PTK2B: variants seen among roughly 807,000 people sequenced by gnomAD.
The protein encoded by PTK2B is protein-tyrosine kinase 2-beta.
In PTK2B, 71 loss-of-function variants were observed where a neutral mutation model predicts 142.9. The ratio of observed to expected loss-of-function variants is 0.50; its 90% CI spans 0.41 to 0.61. The LOEUF (loss-of-function observed/expected upper bound fraction) is 0.61, where lower values mean the gene tolerates loss of function less well. Ranked by LOEUF, PTK2B falls within the 20% of genes least tolerant of loss-of-function variation. The pLI is 0.00. For missense variants in PTK2B, 1,105 were observed against 1,320.4 expected, an observed-to-expected ratio of 0.84 and a Z score of 2.53; for synonymous variants, 519 against 503.4, an observed-to-expected ratio of 1.03 and a Z score of -0.42.
Position 27,437,515 on chromosome 8 carries a change from C to G in PTK2B, c.1527+19C>G. The G allele has an allele frequency of 1.9e-6, 3 of 1,565,874 alleles. No homozygotes were observed. The highest frequency in any genetic ancestry group is 1.7e-6 in the Non-Finnish European group (2 of 1,147,168). On this transcript the variant is annotated intron_variant, in intron 17 of 30. Transcript: ENST00000346049. ...TGGGGAGGTGAGCTGGAGGACCCTG[C>G]GATGACAACTGGGCTGCAGCATGGG... is the stretch of plus-strand genomic sequence containing the variant.
intron 20 of PTK2B, 73 bp downstream of exon 20, chr8:27,439,471 G>A: frequency 6.8e-7 from 1 of 1,467,608 alleles, no homozygotes. Flanking sequence ...GGGGGTGGGT[G>A]CAGGGAGCAG....
chr8:27,393,124 C>G (rs1310983068), intron 1 of PTK2B, among the ~76,000 whole-genome samples: 1 of 152,180 alleles, frequency 6.6e-6, no homozygotes, highest in Non-Finnish European at 1.5e-5. Context: ...TGCTACTTAG[C>G]AGGCATGAAT....
At chr8:27,319,746 T>A (rs1803170768) in intron 3 of PTK2B, among the ~76,000 whole-genome samples, 1 of 152,202 alleles carries the variant, frequency 6.6e-6, no homozygotes, top group Non-Finnish European at 1.5e-5. Context: ...CTTCTAGTTT[T>A]TCTAACATCC....
intron 1 of PTK2B, among the ~76,000 whole-genome samples, chr8:27,352,177 T>C (rs1415231991): frequency 1.3e-5 from 2 of 152,222 alleles, no homozygotes; most frequent in East Asian, 3.8e-4. Context: ...CTTCTAGCTT[T>C]CAAAGTTCTC....
At chr8:27,408,067 G>A (rs1050483947) in intron 2 of PTK2B, among the ~76,000 whole-genome samples, 3 of 152,046 alleles carry the variant, frequency 2.0e-5, no homozygotes, top group African/African-American at 7.3e-5. Context: ...CCAAATGAAG[G>A]CCTCAGCAGC....
At chr8:27,451,917 G>C in intron 27 of PTK2B, 1 of 362,842 alleles carries the variant, frequency 2.8e-6, no homozygotes, top group Non-Finnish European at 4.0e-6. Context: ...GAGAAAGTGA[G>C]AGGGGCAGCT....
At chr8:27,419,236 C>A (rs1809593543) in intron 2 of PTK2B, among the ~76,000 whole-genome samples, 1 of 152,222 alleles carries the variant, frequency 6.6e-6, no homozygotes, top group Non-Finnish European at 1.5e-5. Flanking sequence ...CTTGCCAGCA[C>A]TCATTTCTTG....
intron 1 of PTK2B, among the ~76,000 whole-genome samples, chr8:27,364,296 C>T (rs1805890433): frequency 6.6e-6 from 1 of 152,222 alleles, no homozygotes; most frequent in South Asian, 2.1e-4. Flanking sequence ...CAGTTCGTTT[C>T]CATACTCCTG....
intron 30 of PTK2B, among the ~76,000 whole-genome samples, chr8:27,457,065 A>G (rs1812181738): frequency 6.6e-6 from 1 of 152,234 alleles, no homozygotes; most frequent in Non-Finnish European, 1.5e-5. Flanking sequence ...AGACCCAGCT[A>G]AGATCATTGA....
chr8:27,351,978 A>G (rs1415744173), intron 1 of PTK2B, among the ~76,000 whole-genome samples: 3 of 152,134 alleles, frequency 2.0e-5, no homozygotes, highest in Admixed American at 2.0e-4. Context: ...TTTTGTTCCC[A>G]TGGTCTCTTC....
chr8:27,416,823 A>G (rs1213444522), intron 2 of PTK2B, among the ~76,000 whole-genome samples: 3 of 152,252 alleles, frequency 2.0e-5, no homozygotes, highest in Non-Finnish European at 4.4e-5. Context: ...TTACAGAGGA[A>G]GGTATATGAA....
intron 1 of PTK2B, among the ~76,000 whole-genome samples, chr8:27,334,675 A>G (rs1803949777): frequency 6.6e-6 from 1 of 152,036 alleles, no homozygotes; most frequent in Non-Finnish European, 1.5e-5. Flanking sequence ...GTGAAAAGGG[A>G]TCCCTCCCTC....
intron 2 of PTK2B, among the ~76,000 whole-genome samples, chr8:27,412,009 G>A (rs187158209): frequency 1.3e-5 from 2 of 152,330 alleles, no homozygotes; most frequent in Admixed American, 1.3e-4. Context: ...AAGAAACATA[G>A]AGGACAGGTC....
At chr8:27,398,161 G>A (rs1808178313) in intron 2 of PTK2B, among the ~76,000 whole-genome samples, 1 of 152,264 alleles carries the variant, frequency 6.6e-6, no homozygotes, top group Non-Finnish European at 1.5e-5. Context: ...AGATACACAA[G>A]TGATTGCATT....
chr8:27,329,718 A>AGTG (rs763505789), intron 1 of PTK2B, among the ~76,000 whole-genome samples: 1 of 152,060 alleles, frequency 6.6e-6, no homozygotes, highest in Non-Finnish European at 1.5e-5. Context: ...GAGCAGGGAT[A>AGTG]GTGGTGACTC....
intron 23 of PTK2B, 68 bp from the exon 24 acceptor site, chr8:27,445,726 T>C (rs1586346890): frequency 5.0e-6 from 8 of 1,598,254 alleles, no homozygotes; most frequent in Non-Finnish European, 6.0e-6. Context: ...TGCTCGTGTT[T>C]GTAGCAGCTA....
At chr8:27,362,485 TTC>T (rs1305524002) in intron 1 of PTK2B, among the ~76,000 whole-genome samples, 3 of 152,122 alleles carry the variant, frequency 2.0e-5, no homozygotes, top group African/African-American at 4.8e-5. Flanking sequence ...AGGGGAGGTG[TTC>T]TGTTTTTGCT....
intron 3 of PTK2B, among the ~76,000 whole-genome samples, chr8:27,314,784 A>T (rs367640606): frequency 6.6e-6 from 1 of 152,142 alleles, no homozygotes; most frequent in Admixed American, 6.5e-5. Context: ...TTCTTTGTTC[A>T]AGATGCCAAT....
intron 1 of PTK2B, among the ~76,000 whole-genome samples, chr8:27,343,320 C>T (rs1804524686): frequency 1.3e-5 from 2 of 152,190 alleles, no homozygotes; most frequent in African/African-American, 2.4e-5. Context: ...GCTCCCTTCC[C>T]CTCTCAAATC....
Sources: gnomAD v4.1 joint callset for allele counts (sites outside exome capture counted in the v4.1 genomes callset) on GRCh38, gnomAD v4.1.1 for gene constraint, MANE v1.5 for transcripts, NCBI Gene and HGNC (gene_info 2026-07-23, HGNC 2026-07-21) for gene names.